The following RGS5 variants were observed in gnomAD, a reference collection of about 807,000 sequenced individuals.
The protein encoded by RGS5 is regulator of G protein signaling 5, also known as regulator of G-protein signalling 5.
Under a neutral mutation model 18.9 loss-of-function variants are expected in RGS5, and 20 were observed. That is an observed-to-expected ratio of 1.06 (90% CI 0.74 to 1.54). The LOEUF (loss-of-function observed/expected upper bound fraction) is 1.54, where lower values mean the gene tolerates loss of function less well. Among genes scored for constraint, RGS5 ranks in the 40% most tolerant of loss-of-function variants. The pLI is 0.00. For missense variants in RGS5, 201 were observed against 211.8 expected, an observed-to-expected ratio of 0.95 and a Z score of 0.32; for synonymous variants, 57 against 76.2, an observed-to-expected ratio of 0.75 and a Z score of 1.31.
intron 2 of RGS5, among the ~76,000 whole-genome samples, chr1:163,289,260 C>A (rs924661704): frequency 6.6e-6 from 1 of 151,684 alleles, no homozygotes; most frequent in Non-Finnish European, 1.5e-5. Context: ...TACACAATAC[C>A]CCTACACCTT....
intron 1 of RGS5, among the ~76,000 whole-genome samples, chr1:163,185,458 G>A (rs573914975): frequency 4.6e-5 from 7 of 152,124 alleles, no homozygotes; most frequent in Non-Finnish European, 8.8e-5. Context: ...TCCCTTTCAC[G>A]TAATCATATT....
intron 2 of RGS5, among the ~76,000 whole-genome samples, chr1:163,227,627 C>A (rs1210106537): frequency 6.9e-6 from 1 of 143,896 alleles, no homozygotes; most frequent in Non-Finnish European, 1.5e-5. Context: ...AAAACACAAT[C>A]ATGCCCTTCC....
Position 163,165,780 on chromosome 1 carries a change from C to A in RGS5, c.155+2478G>T, listed in dbSNP as rs140356368. ...AATTAGCCGGGCGTGGTGGCACATG[C>A]CTGTAATCCCAGCTACTCAGGAGGC... On this transcript the variant is annotated intron_variant, in intron 2 of 4. Coordinates refer to ENST00000313961, the MANE Select transcript of RGS5 (RefSeq NM_003617.4). 9.2e-3 allele frequency among the ~76,000 whole-genome samples: 1,398 copies of A among 152,230 alleles called. 16 individuals are homozygous for A. Among genetic ancestry groups the A allele is most frequent in the African/African-American group, 0.03 (1,256 of 41,542 alleles).
chr1:163,233,108 A>T (rs1647525767), intron 2 of RGS5, among the ~76,000 whole-genome samples: 1 of 152,184 alleles, frequency 6.6e-6, no homozygotes, highest in South Asian at 2.1e-4. Flanking sequence ...AATTTCCTTT[A>T]ATTTGGATTT....
chr1:163,179,415 A>G (rs988038760), intron 1 of RGS5, among the ~76,000 whole-genome samples: 2 of 152,258 alleles, frequency 1.3e-5, no homozygotes, highest in Non-Finnish European at 2.9e-5. Flanking sequence ...ATGGTACTCC[A>G]TAAGTGGCAA....
chr1:163,302,858 G>C (rs1235998987), intron 2 of RGS5, among the ~76,000 whole-genome samples: 1 of 152,076 alleles, frequency 6.6e-6, no homozygotes, highest in Non-Finnish European at 1.5e-5. Flanking sequence ...TTGCTTTTGT[G>C]GCTGGAAGTA....
At chr1:163,255,966 T>C (rs921842689) in intron 2 of RGS5, among the ~76,000 whole-genome samples, 1 of 152,054 alleles carries the variant, frequency 6.6e-6, no homozygotes, top group African/African-American at 2.4e-5. Context: ...TATCTCAAAA[T>C]AATAAGAGCT....
chr1:163,246,719 T>C (rs541307489), intron 2 of RGS5, among the ~76,000 whole-genome samples: 1 of 152,360 alleles, frequency 6.6e-6, no homozygotes, highest in East Asian at 1.9e-4. Context: ...GAGCAATCTA[T>C]GATGAGTCTA....
chr1:163,187,521 T>C (rs566086050), intron 1 of RGS5, among the ~76,000 whole-genome samples: 40 of 152,218 alleles, frequency 2.6e-4, no homozygotes, highest in Admixed American at 2.2e-3. Flanking sequence ...ACCTTTGTGA[T>C]TGTGGGTCTT....
chr1:163,232,813 T>C (rs193164400), intron 2 of RGS5, among the ~76,000 whole-genome samples: 294 of 152,252 alleles, frequency 1.9e-3, no homozygotes, highest in Non-Finnish European at 3.1e-3. Flanking sequence ...AATGCATAGA[T>C]GGAGAAAATA....
intron 1 of RGS5, among the ~76,000 whole-genome samples, chr1:163,312,590 G>A (rs1035659711): frequency 6.6e-6 from 1 of 152,194 alleles, no homozygotes; most frequent in Non-Finnish European, 1.5e-5. Flanking sequence ...AACCAGGATT[G>A]TTTAAGGAAA....
chr1:163,243,325 A>G (rs1647839041), intron 2 of RGS5, among the ~76,000 whole-genome samples: 1 of 152,114 alleles, frequency 6.6e-6, no homozygotes, highest in Non-Finnish European at 1.5e-5. Flanking sequence ...GAGCATTAGA[A>G]CAAATACTTA....
chr1:163,233,428 T>C (rs1557913994), intron 2 of RGS5, among the ~76,000 whole-genome samples: 2 of 152,254 alleles, frequency 1.3e-5, no homozygotes. Flanking sequence ...TTGAGGAGGC[T>C]ATTCCTTTGC....
At chr1:163,227,076 T>C (rs1318307564) in intron 2 of RGS5, among the ~76,000 whole-genome samples, 1 of 152,212 alleles carries the variant, frequency 6.6e-6, no homozygotes, top group Non-Finnish European at 1.5e-5. Flanking sequence ...TCTTAAATGT[T>C]TGCCATTCCT....
chr1:163,164,220 T>C (rs889619475), intron 2 of RGS5, among the ~76,000 whole-genome samples: 1 of 152,160 alleles, frequency 6.6e-6, no homozygotes, highest in Non-Finnish European at 1.5e-5. Flanking sequence ...CCTCATTAGG[T>C]CTGACTTCAT....
intron 3 of RGS5, 74 bp from the exon 4 acceptor site, chr1:163,152,790 G>C: frequency 1.4e-6 from 2 of 1,390,908 alleles, no homozygotes; most frequent in Admixed American, 4.5e-5. Context: ...TGAGAGAAAG[G>C]GAAAGGGCTT....
chr1:163,260,250 CAATT>C (rs1218883754), intron 2 of RGS5: 1 of 152,146 alleles, frequency 6.6e-6, no homozygotes, highest in Non-Finnish European at 1.5e-5. Context: ...GCTTTACAGT[CAATT>C]GATGAGATCT....
At chr1:163,229,897 A>C (rs975905947) in intron 2 of RGS5, among the ~76,000 whole-genome samples, 1 of 152,052 alleles carries the variant, frequency 6.6e-6, no homozygotes, top group Non-Finnish European at 1.5e-5. Context: ...GATTCCCAGC[A>C]TCCTCCAGAT....
At chr1:163,190,877 A>G (rs1008965264) in intron 1 of RGS5, among the ~76,000 whole-genome samples, 8 of 152,188 alleles carry the variant, frequency 5.3e-5, no homozygotes, top group African/African-American at 1.9e-4. Flanking sequence ...GGATACCCAC[A>G]TGGGGCACAG....
Sources: allele counts gnomAD v4.1 joint callset (sites outside exome capture counted in the v4.1 genomes callset), GRCh38; gene constraint gnomAD v4.1.1; transcripts MANE v1.5; gene names NCBI Gene and HGNC (gene_info 2026-07-23, HGNC 2026-07-21).